Variants in FAP observed in about 807,000 individuals in gnomAD.
FAP encodes prolyl endopeptidase FAP.
In FAP, 110 loss-of-function variants were observed where a neutral mutation model predicts 126.5. The ratio of observed to expected loss-of-function variants is 0.87; its 90% confidence interval spans 0.74 to 1.02. The LOEUF is 1.02. Among genes scored for constraint, FAP ranks in the 50% least tolerant of loss-of-function variants. FAP has a pLI of 0.00. For synonymous variants in FAP, 334 were observed against 297.3 expected, an observed-to-expected ratio of 1.12 and a Z score of -1.27; for missense variants, 919 against 909.2, an observed-to-expected ratio of 1.01 and a Z score of -0.14.
chr2:162,195,730 A>T (rs1384126901), intron 16 of FAP, among the ~76,000 whole-genome samples: 1 of 152,204 alleles, frequency 6.6e-6, no homozygotes, highest in Non-Finnish European at 1.5e-5. Context: ...AATTAAAAAC[A>T]AATTATTCCT....
intron 2 of FAP, among the ~76,000 whole-genome samples, chr2:162,240,146 G>C (rs570499591): frequency 6.6e-6 from 1 of 152,280 alleles, no homozygotes; most frequent in East Asian, 1.9e-4. Flanking sequence ...CAGTTGAAGG[G>C]GTGTAAGCTG....
rs769935653 is a variant in FAP at position 162,223,618 on chromosome 2, G to A, written c.403C>T (p.Leu135Phe). The A allele has an allele frequency of 2.5e-6, 4 of 1,603,386 alleles. No individual in the cohort carries two copies. In the Admixed American group the frequency reaches 5.0e-5, roughly 20 times the overall value. ...SYTATYYIYD[L>F]SNGEFVRGNE... ...ACAGAGGTGATTTACCCATTGCTAA[G>A]GTCATAGATGTAATATGTTGCTGTG... is the stretch of plus-strand genomic sequence containing the variant. Residue 135 changes from leucine to phenylalanine, a missense_variant, in exon 6 of 26, where the codon CTT becomes TTT. Physicochemically the swap from Leu to Phe is conservative, Grantham distance 22. Transcript: ENST00000188790.
At chr2:162,224,317 T>C (rs1689539826) in intron 5 of FAP, 149 bp downstream of exon 5, 4 of 568,834 alleles carry the variant, frequency 7.0e-6, no homozygotes, top group Non-Finnish European at 1.2e-5. Flanking sequence ...CTCCATAAGA[T>C]TGAAACATAT....
chr2:162,217,491 C>A (rs1441004728), intron 9 of FAP, among the ~76,000 whole-genome samples: 1 of 152,172 alleles, frequency 6.6e-6, no homozygotes, highest in African/African-American at 2.4e-5. Context: ...TATGGGTTCA[C>A]ACCATGTCTA....
intron 17 of FAP, among the ~76,000 whole-genome samples, chr2:162,191,551 T>C (rs1688041963): frequency 6.6e-6 from 1 of 152,138 alleles, no homozygotes; most frequent in South Asian, 2.1e-4. Context: ...CAGCACCTAG[T>C]ATCTGGCATG....
chr2:162,183,560 A>G (rs1687764861), intron 20 of FAP, 92 bp from the exon 21 acceptor site: 2 of 750,358 alleles, frequency 2.7e-6, no homozygotes. Context: ...AAGATTTAAT[A>G]GAAACGCTAC....
At chr2:162,224,408 C>T (rs1689544843) in intron 5 of FAP, 58 bp downstream of exon 5, 1 of 1,052,504 alleles carries the variant, frequency 9.5e-7, no homozygotes, top group South Asian at 1.4e-5. Context: ...TTTTTTTAAA[C>T]CACCTTGTGG....
At chr2:162,195,779 C>T (rs960606342) in intron 16 of FAP, among the ~76,000 whole-genome samples, 1 of 152,004 alleles carries the variant, frequency 6.6e-6, no homozygotes, top group African/African-American at 2.4e-5. Flanking sequence ...TGGAAATATA[C>T]CTTTTAAGCA....
At position 162,242,920 on chromosome 2, in the gene FAP, G is replaced by T. The variant is rs368690170; in HGVS notation, c.79C>A (p.Arg27Ser). The T allele has an allele frequency of 3.7e-6, 6 of 1,612,654 alleles. No individual in the cohort carries two copies. Among genetic ancestry groups the T allele is most frequent in the African/African-American group, 1.3e-5 (1 of 74,990 alleles). The change falls in exon 2 of 26, where the codon CGC (arginine) becomes AGC (serine). Residue 27 changes from arginine (R) to serine (S), a missense_variant. Arg to Ser is a moderately radical substitution (Grantham distance 110, BLOSUM62 -1). Transcript: ENST00000188790. The part of the protein sequence containing the change: ...LALLVMCIVL[R>S]PSRVHNSEEN... The stretch of plus-strand genomic sequence containing the variant: ...AGAAAGTTCTTACCTCTTGAAGGGC[G>T]TAAGACAATGCACATCACCAATAAG...
intron 2 of FAP, among the ~76,000 whole-genome samples, chr2:162,230,531 A>T (rs1339305572): frequency 5.4e-5 from 8 of 149,230 alleles, no homozygotes; most frequent in Non-Finnish European, 1.0e-4. Flanking sequence ...TTGCTGAATT[A>T]AAAAAAAAAC....
chr2:162,198,277 T>A (rs1559772088), intron 16 of FAP: 1 of 1,290,000 alleles, frequency 7.8e-7, no homozygotes, highest in Non-Finnish European at 1.0e-6. Context: ...CATCTCGGGT[T>A]TCCAAGCCGT....
chr2:162,188,869 A>G (rs1001637408), intron 19 of FAP, among the ~76,000 whole-genome samples: 1 of 152,084 alleles, frequency 6.6e-6, no homozygotes, highest in Admixed American at 6.6e-5. Context: ...GCAAATTGCC[A>G]TACAAAGGAA....
At chr2:162,194,813 G>A (rs1688187689) in intron 16 of FAP, 65 bp from the exon 17 acceptor site, 1 of 1,406,106 alleles carries the variant, frequency 7.1e-7, no homozygotes, top group Non-Finnish European at 1.0e-6. Flanking sequence ...TTCAAGACGG[G>A]CTGCTGGTAG....
intron 3 of FAP, among the ~76,000 whole-genome samples, chr2:162,226,270 A>C (rs1487479862): frequency 6.6e-6 from 1 of 152,150 alleles, no homozygotes; most frequent in Non-Finnish European, 1.5e-5. Flanking sequence ...CAGAAGTTCA[A>C]ATTATTTCAA....
intron 24 of FAP, 66 bp from the exon 25 acceptor site, chr2:162,172,950 T>C: frequency 7.7e-7 from 1 of 1,297,338 alleles, no homozygotes; most frequent in Non-Finnish European, 1.1e-6. Context: ...GACAATGTAC[T>C]GCCTGGAAAT....
At chr2:162,187,965 T>C (rs1047926212) in intron 20 of FAP, among the ~76,000 whole-genome samples, 9 of 152,138 alleles carry the variant, frequency 5.9e-5, no homozygotes, top group African/African-American at 2.2e-4. Flanking sequence ...CTTGAAATCA[T>C]TTTTCTACAC....
In FAP at chr2:162,243,149, C is replaced by G. The variant is rs1395839755; in HGVS notation, c.7-157G>C. On this transcript the variant is annotated intron_variant, in intron 1 of 25. Coordinates refer to ENST00000188790, the MANE Select transcript of FAP (RefSeq NM_004460.5). Reference sequence around the variant, plus strand: ...TATAATTGCTGGAATTCTTCCAGCTCTGCAAGGACAAATGTTTCTACAGTA... The same window carrying G: ...TATAATTGCTGGAATTCTTCCAGCTGTGCAAGGACAAATGTTTCTACAGTA... 7 of 800,352 alleles carry G rather than the reference C, an allele frequency of 8.7e-6. No individual in the cohort carries two copies. In the Admixed American group the frequency reaches 1.7e-4, roughly 20 times the overall value. The allele number at this position is 800,352 out of a possible 1,614,324, so 49.6% of individuals were successfully genotyped here. A position where few individuals can be genotyped will look rare whatever the true frequency, so the allele number is the denominator to read the frequency against.
rs1312685346 is a variant in FAP at position 162,188,414 on chromosome 2, A to C, written c.1620-51T>G. On this transcript the variant is annotated intron_variant, in intron 19 of 25. Transcript: ENST00000188790. ...AATCTTTGATTGCTTTGTAAAACTC[A>C]ATTTCCCATCCTGGCCAAGCATTGC... 4 of 1,506,116 alleles carry C rather than the reference A, an allele frequency of 2.7e-6. No individual in the cohort carries two copies. The African/African-American group carries it at 5.6e-5, about 21-fold the overall frequency. The allele number at this position is 1,506,116 out of a possible 1,614,324, so 93.3% of individuals were successfully genotyped here.
chr2:162,242,378 T>C (rs947397760), intron 2 of FAP, among the ~76,000 whole-genome samples: 9 of 152,206 alleles, frequency 5.9e-5, no homozygotes, highest in Admixed American at 2.0e-4. Context: ...TTTGGTTTTC[T>C]AATTTGATGT....
Sources: allele counts gnomAD v4.1 joint callset (sites outside exome capture counted in the v4.1 genomes callset), GRCh38; gene constraint gnomAD v4.1.1; transcripts MANE v1.5; gene names NCBI Gene and HGNC (gene_info 2026-07-23, HGNC 2026-07-21).